The following RBFOX1 variants were observed in gnomAD, a reference collection of about 807,000 sequenced individuals.
The protein encoded by RBFOX1 is RNA binding fox-1 homolog 1, also known as RNA binding protein fox-1 homolog 1.
RBFOX1 carries 8 observed loss-of-function variants against 57.7 expected under a neutral mutation model. That is an observed-to-expected ratio of 0.14 (90% CI 0.08 to 0.25). RBFOX1 has a LOEUF of 0.25. RBFOX1 is among the 10% of genes least tolerant of loss of function. The pLI, the probability that RBFOX1 is intolerant of heterozygous loss-of-function variation, is 1.00. For synonymous variants in RBFOX1, 326 were observed against 222.4 expected, an observed-to-expected ratio of 1.47 and a Z score of -4.15; for missense variants, 611 against 548.5, an observed-to-expected ratio of 1.11 and a Z score of -1.14.
At chr16:7,412,162 C>T (rs892682978) in intron 4 of RBFOX1, among the ~76,000 whole-genome samples, 8 of 151,944 alleles carry the variant, frequency 5.3e-5, no homozygotes, top group East Asian at 1.9e-4. Flanking sequence ...GGCTGGACAC[C>T]GTCGCTCACG....
intron 3 of RBFOX1, among the ~76,000 whole-genome samples, chr16:6,867,139 G>C (rs975046164): frequency 7.2e-5 from 11 of 152,168 alleles, no homozygotes; most frequent in Non-Finnish European, 4.4e-5. Flanking sequence ...GTTTTAGCTT[G>C]GAGATGTACT....
intron 4 of RBFOX1, among the ~76,000 whole-genome samples, chr16:7,231,861 C>G (rs1435699942): frequency 6.6e-6 from 1 of 152,106 alleles, no homozygotes; most frequent in East Asian, 1.9e-4. Context: ...TAAATCCACA[C>G]CAACAGAAAG....
chr16:7,239,272 G>A (rs1226773866), intron 4 of RBFOX1, among the ~76,000 whole-genome samples: 2 of 152,114 alleles, frequency 1.3e-5, no homozygotes, highest in African/African-American at 2.4e-5. Context: ...GCCAAGGAGG[G>A]TAGATCATTT....
chr16:7,349,605 A>G (rs557849376), intron 4 of RBFOX1, among the ~76,000 whole-genome samples: 1 of 152,260 alleles, frequency 6.6e-6, no homozygotes, highest in South Asian at 2.1e-4. Flanking sequence ...TCAGAATCAA[A>G]ATGAGGATGG....
At position 6,552,500 on chromosome 16, in the gene RBFOX1, G is replaced by A. The variant is rs1332928764; in HGVS notation, c.-63-102103G>A. On this transcript the variant is annotated intron_variant, in intron 2 of 15. Transcript: ENST00000550418. The stretch of plus-strand genomic sequence containing the variant: ...GATACTACCTGCAAAGTATTCAGAT[G>A]TTTGCCTGGTCTATGGTAATTGCCG... Among the ~76,000 whole-genome samples the A allele has an allele frequency of 4.6e-5, 7 of 152,120 alleles. No homozygotes were observed. In the East Asian group the frequency reaches 9.6e-4, roughly 21 times the overall value.
chr16:5,315,343 G>A (rs1423413645), intron 1 of RBFOX1, among the ~76,000 whole-genome samples: 3 of 152,198 alleles, frequency 2.0e-5, no homozygotes, highest in African/African-American at 7.2e-5. Context: ...CACAGGCCAC[G>A]TAATCACCGG....
At chr16:7,598,389 C>T (rs1297750379) in intron 9 of RBFOX1, among the ~76,000 whole-genome samples, 1 of 151,942 alleles carries the variant, frequency 6.6e-6, no homozygotes, top group Non-Finnish European at 1.5e-5. Context: ...AACATTTTTT[C>T]TTTGATTCAG....
At chr16:5,493,036 A>G (rs1416539965) in intron 2 of RBFOX1, among the ~76,000 whole-genome samples, 1 of 152,228 alleles carries the variant, frequency 6.6e-6, no homozygotes, top group Non-Finnish European at 1.5e-5. Context: ...AAATGCAGCT[A>G]TGTACATTCA....
rs9925369 is a variant in RBFOX1, at chr16:5,426,574, T to C, written c.220-40642T>C. Among the ~76,000 whole-genome samples the C allele has an allele frequency of 7.7e-3, 1,180 of 152,324 alleles. 20 individuals carry two copies. Among genetic ancestry groups the C allele is most frequent in the African/African-American group, 0.027 (1,113 of 41,570 alleles). On this transcript the variant is annotated intron_variant, in intron 1 of 2. Transcript: ENST00000585867. ...AAAACACTTTCCCTCTTTTTGTTACTGATTTCTTTGCTGGAGGAAATGGCT... is the reference window on the plus strand; with the variant it reads ...AAAACACTTTCCCTCTTTTTGTTACCGATTTCTTTGCTGGAGGAAATGGCT...
chr16:5,749,284 G>C (rs1374282652), intron 3 of RBFOX1, among the ~76,000 whole-genome samples: 1 of 151,976 alleles, frequency 6.6e-6, no homozygotes, highest in Non-Finnish European at 1.5e-5. Context: ...CTTTCTCTCT[G>C]GCTGCCCTTA....
chr16:5,727,632 T>A (rs1256742758), intron 3 of RBFOX1, among the ~76,000 whole-genome samples: 1 of 152,184 alleles, frequency 6.6e-6, no homozygotes. Context: ...TCTCCCCATT[T>A]ACCCACCCTC....
At chr16:7,452,381 C>T (rs915361063) in intron 4 of RBFOX1, among the ~76,000 whole-genome samples, 1 of 152,162 alleles carries the variant, frequency 6.6e-6, no homozygotes, top group African/African-American at 2.4e-5. Context: ...CACACGGTGC[C>T]TGGTGCATCC....
intron 4 of RBFOX1, among the ~76,000 whole-genome samples, chr16:7,330,966 G>C (rs955701963): frequency 2.0e-5 from 3 of 152,124 alleles, no homozygotes; most frequent in African/African-American, 7.2e-5. Flanking sequence ...TCGGGCTGTT[G>C]AGTAAGAGGG....
At chr16:5,936,490 G>A (rs1424394276) in intron 4 of RBFOX1, among the ~76,000 whole-genome samples, 1 of 152,158 alleles carries the variant, frequency 6.6e-6, no homozygotes, top group Non-Finnish European at 1.5e-5. Context: ...AGTCCTGTGT[G>A]AGCCAAGTTA....
chr16:7,140,993 T>C (rs1185697347), intron 4 of RBFOX1, among the ~76,000 whole-genome samples: 1 of 152,106 alleles, frequency 6.6e-6, no homozygotes, highest in Admixed American at 6.6e-5. Flanking sequence ...GGAACCCTCG[T>C]TGGAAGTAAT....
intron 3 of RBFOX1, among the ~76,000 whole-genome samples, chr16:5,804,785 A>G (rs569693918): frequency 6.6e-6 from 1 of 152,326 alleles, no homozygotes; most frequent in South Asian, 2.1e-4. Context: ...CACCTCCCAG[A>G]CAAATATACT....
intron 3 of RBFOX1, among the ~76,000 whole-genome samples, chr16:6,734,879 C>A (rs2069696024): frequency 6.6e-6 from 1 of 152,124 alleles, no homozygotes; most frequent in Non-Finnish European, 1.5e-5. Context: ...GTTCTTGACG[C>A]CTAGTAAAGG....
chr16:6,504,770 G>T (rs1431570577), intron 2 of RBFOX1, among the ~76,000 whole-genome samples: 1 of 152,078 alleles, frequency 6.6e-6, no homozygotes, highest in Non-Finnish European at 1.5e-5. Flanking sequence ...AAAAAACAAA[G>T]TCTGGCCAGG....
At chr16:6,175,395 A>T (rs77841392) in intron 1 of RBFOX1, among the ~76,000 whole-genome samples, 402 of 152,226 alleles carry the variant, frequency 2.6e-3, no homozygotes, top group African/African-American at 9.3e-3. Flanking sequence ...GCGCATTAGT[A>T]TGTTAACATT....
Sources: gnomAD v4.1 joint callset for allele counts (sites outside exome capture counted in the v4.1 genomes callset) on GRCh38, gnomAD v4.1.1 for gene constraint, MANE v1.5 for transcripts, NCBI Gene and HGNC (gene_info 2026-07-23, HGNC 2026-07-21) for gene names.